The following VTA1 variants were observed in gnomAD, a reference collection of about 807,000 sequenced individuals.
VTA1 encodes vesicle trafficking 1, also known as vacuolar protein sorting-associated protein VTA1 homolog.
Under a neutral mutation model 36.9 loss-of-function variants are expected in VTA1, and 24 were observed. That is an observed-to-expected ratio of 0.65 (90% CI 0.47 to 0.91). VTA1 has a LOEUF of 0.91. Among genes scored for constraint, VTA1 ranks in the 40% least tolerant of loss-of-function variants. VTA1 has a pLI of 0.00. For synonymous variants in VTA1, 142 were observed against 130.2 expected (o/e 1.09, Z -0.62); for missense variants, 393 against 377.2 (o/e 1.04, Z -0.35).
intron 7 of VTA1, among the ~76,000 whole-genome samples, chr6:142,210,657 T>C (rs928800897): frequency 1.3e-5 from 2 of 152,216 alleles, no homozygotes; most frequent in African/African-American, 4.8e-5. Context: ...TCAGCATCAC[T>C]AATCATCAGA....
At chr6:142,199,076 G>A (rs751878065) in intron 6 of VTA1, among the ~76,000 whole-genome samples, 96 of 151,914 alleles carry the variant, frequency 6.3e-4, no homozygotes, top group Non-Finnish European at 1.2e-3. Flanking sequence ...ATGGGGAATG[G>A]GCTTTGAGGC....
chr6:142,187,818 C>T (rs1318581818), intron 4 of VTA1, among the ~76,000 whole-genome samples: 1 of 151,818 alleles, frequency 6.6e-6, no homozygotes, highest in East Asian at 1.9e-4. Flanking sequence ...TCTAGAGACT[C>T]ACATTATAGA....
intron 4 of VTA1, among the ~76,000 whole-genome samples, chr6:142,184,692 C>G (rs1016102411): frequency 2.0e-5 from 3 of 152,074 alleles, no homozygotes; most frequent in African/African-American, 7.2e-5. Flanking sequence ...GGAATCCAAT[C>G]TTGATTGAGG....
chr6:142,218,605 C>T lies in VTA1; in HGVS notation c.886C>T (p.Gln296Ter). 1.2e-6 allele frequency: 2 copies of T among 1,612,126 alleles called. No individual in the cohort carries two copies. The highest frequency in any genetic ancestry group is 1.7e-6 in the Non-Finnish European group (2 of 1,179,334). ...EDVSTAVQNL[Q>*]KALKLLTTGR... ...TGTAAGCACTGCTGTCCAGAATCTA[C>T]AAAAGGCTCTCAAGTTACTGACGAC... Residue 296 changes from glutamine to a stop codon, truncating the protein, a stop_gained, in exon 8 of 8, where the codon CAA (glutamine) becomes TAA (stop). Transcript: ENST00000367630. LOFTEE classifies it high-confidence loss of function.
chr6:142,179,021 T>C (rs1365965768), intron 4 of VTA1, among the ~76,000 whole-genome samples: 1 of 152,044 alleles, frequency 6.6e-6, no homozygotes, highest in Admixed American at 6.6e-5. Context: ...AATGGGTCAG[T>C]TCATCAAGAA....
chr6:142,190,498 T>C (rs1394206821), intron 5 of VTA1, among the ~76,000 whole-genome samples: 2 of 152,218 alleles, frequency 1.3e-5, no homozygotes, highest in Non-Finnish European at 2.9e-5. Context: ...TTTACAAATT[T>C]TAATCATGAA....
chr6:142,160,127 G>T (rs1440446576), intron 1 of VTA1, among the ~76,000 whole-genome samples: 2 of 152,180 alleles, frequency 1.3e-5, no homozygotes, highest in East Asian at 3.8e-4. Flanking sequence ...TGGCCAACAA[G>T]TAATTTGGAG....
intron 7 of VTA1, among the ~76,000 whole-genome samples, chr6:142,211,241 G>C (rs1172758179): frequency 6.6e-6 from 1 of 152,070 alleles, no homozygotes; most frequent in African/African-American, 2.4e-5. Context: ...TGAAATGTAT[G>C]CTTTGAAACT....
chr6:142,172,850 G>T (rs998509875), intron 4 of VTA1, among the ~76,000 whole-genome samples: 1 of 152,042 alleles, frequency 6.6e-6, no homozygotes, highest in African/African-American at 2.4e-5. Context: ...GACAGATGAT[G>T]GAAGACCTAC....
chr6:142,204,552 T>A (rs1005043389), intron 7 of VTA1, among the ~76,000 whole-genome samples: 2 of 152,212 alleles, frequency 1.3e-5, no homozygotes, highest in Non-Finnish European at 2.9e-5. Context: ...ACTACTTTTC[T>A]GATTTCTCTG....
At chr6:142,203,945 G>T (rs1364013244) in intron 6 of VTA1, 40 bp from the exon 7 acceptor site, 1 of 1,542,512 alleles carries the variant, frequency 6.5e-7, no homozygotes, top group Admixed American at 1.7e-5. Flanking sequence ...ATTAAAAGGT[G>T]TAATACTTCT....
intron 1 of VTA1, among the ~76,000 whole-genome samples, chr6:142,150,401 C>T (rs1463724975): frequency 6.6e-6 from 1 of 152,192 alleles, no homozygotes; most frequent in Admixed American, 6.5e-5. Flanking sequence ...AACAAAGCTC[C>T]TGTGGTCAGG....
At chr6:142,213,217 C>A (rs972583929) in intron 7 of VTA1, among the ~76,000 whole-genome samples, 1 of 152,208 alleles carries the variant, frequency 6.6e-6, no homozygotes, top group South Asian at 2.1e-4. Context: ...CTACAGGCCC[C>A]ATGCAAGTCT....
intron 7 of VTA1, among the ~76,000 whole-genome samples, chr6:142,210,409 A>G (rs1382417567): frequency 2.0e-5 from 3 of 152,240 alleles, no homozygotes; most frequent in African/African-American, 4.8e-5. Flanking sequence ...ATAGGCAAAT[A>G]AAGCAAAAAT....
Position 142,166,267 on chromosome 6 carries a change from G to A in VTA1, c.152G>A (p.Ser51Asn), listed in dbSNP as rs765290723. ...ATGCAGACTGGAATGAAGATCGATA[G>A]TAAAACTCCTGAATGTCGCAAATTT... ...YAMQTGMKID[S>N]KTPECRKFLS... is the part of the protein sequence containing the mutation. Residue 51 changes from serine (S) to asparagine (N), a missense_variant, in exon 2 of 8, where the codon AGT (serine) becomes AAT (asparagine). Ser to Asn is a conservative substitution (Grantham distance 46). Transcript: ENST00000367630. The A allele has an allele frequency of 3.1e-6, 5 of 1,612,508 alleles. No individual in the cohort carries two copies. The Admixed American group carries it at 8.3e-5, about 27-fold the overall frequency.
rs1170555988 is a variant in VTA1 at position 142,156,802 on chromosome 6, C to T, written c.112+9403C>T. On this transcript the variant is annotated intron_variant, in intron 1 of 7. Coordinates refer to ENST00000367630, the MANE Select transcript of VTA1 (RefSeq NM_016485.5). ...CAGTTCTGAGATGTTACAGGACATACCAGTAGAAAATGTTAATTTAGTGTA... is the reference window on the plus strand; with the variant it reads ...CAGTTCTGAGATGTTACAGGACATATCAGTAGAAAATGTTAATTTAGTGTA... Among the ~76,000 whole-genome samples the T allele has an allele frequency of 2.0e-5, 3 of 152,242 alleles. No individual in the cohort carries two copies. The South Asian group carries it at 6.2e-4, about 32-fold the overall frequency.
intron 5 of VTA1, among the ~76,000 whole-genome samples, chr6:142,197,943 A>C (rs1223206283): frequency 4.0e-5 from 6 of 151,282 alleles, no homozygotes; most frequent in Non-Finnish European, 7.4e-5. Flanking sequence ...CAAAAAAAAA[A>C]CAAACTAGCC....
chr6:142,178,782 C>G (rs1775172281), intron 4 of VTA1, among the ~76,000 whole-genome samples: 1 of 151,806 alleles, frequency 6.6e-6, no homozygotes, highest in Admixed American at 6.6e-5. Flanking sequence ...GACTAACACC[C>G]AAATTTTATA....
chr6:142,158,220 T>C (rs576666085), intron 1 of VTA1, among the ~76,000 whole-genome samples: 4 of 152,264 alleles, frequency 2.6e-5, no homozygotes, highest in African/African-American at 9.6e-5. Context: ...AAATTACATG[T>C]TGCAATGTAT....
Sources: allele counts gnomAD v4.1 joint callset (sites outside exome capture counted in the v4.1 genomes callset), GRCh38; gene constraint gnomAD v4.1.1; transcripts MANE v1.5; gene names NCBI Gene and HGNC (gene_info 2026-07-23, HGNC 2026-07-21).